Variants in GAB1 observed in about 807,000 individuals in gnomAD.
The protein encoded by GAB1 is GRB2-associated-binding protein 1.
Under a neutral mutation model 66.5 loss-of-function variants are expected in GAB1, and 19 were observed. The ratio of observed to expected loss-of-function variants is 0.29; its 90% CI spans 0.20 to 0.42. GAB1 has a LOEUF of 0.42. GAB1 is among the 10% of genes least tolerant of loss of function. The probability of loss-of-function intolerance (pLI) is 1.00; values close to 1 mark genes in which losing one functional copy is unlikely to be tolerated. For synonymous variants in GAB1, 294 were observed against 301.4 expected (o/e 0.98, Z 0.25); for missense variants, 732 against 858.5 (o/e 0.85, Z 1.84).
chr4:143,425,393 G>A (rs1733284845), intron 2 of GAB1: 1 of 759,256 alleles, frequency 1.3e-6, no homozygotes, highest in African/African-American at 1.7e-5. Context: ...AGCCTTCTGG[G>A]AGCCATGGCT....
intron 1 of GAB1, among the ~76,000 whole-genome samples, chr4:143,384,999 C>T (rs1236923078): frequency 6.6e-6 from 1 of 152,112 alleles, no homozygotes; most frequent in Non-Finnish European, 1.5e-5. Context: ...GTCACAGAGC[C>T]ATTGACTCGT....
chr4:143,430,506 T>TA (rs1198921894), intron 2 of GAB1, among the ~76,000 whole-genome samples: 5 of 152,214 alleles, frequency 3.3e-5, no homozygotes, highest in Non-Finnish European at 7.3e-5. Flanking sequence ...GAGCCCTCTG[T>TA]AGCATCCAGA....
chr4:143,449,381 A>T (rs1428736827), intron 6 of GAB1, among the ~76,000 whole-genome samples: 1 of 151,782 alleles, frequency 6.6e-6, no homozygotes, highest in Non-Finnish European at 1.5e-5. Flanking sequence ...TCTAATGTTG[A>T]CAGTGGAGTG....
At chr4:143,426,028 C>A in intron 2 of GAB1, 1 of 607,320 alleles carries the variant, frequency 1.6e-6, no homozygotes, top group South Asian at 2.1e-5. Context: ...AAATTAACTC[C>A]AGGTATAAGG....
intron 1 of GAB1, among the ~76,000 whole-genome samples, chr4:143,408,700 C>T (rs1732197791): frequency 6.6e-6 from 1 of 152,146 alleles, no homozygotes; most frequent in African/African-American, 2.4e-5. Context: ...TCAAAAATAG[C>T]ATTTTCATTT....
intron 2 of GAB1, among the ~76,000 whole-genome samples, chr4:143,431,714 T>A (rs1414743613): frequency 6.6e-6 from 1 of 152,112 alleles, no homozygotes; most frequent in Non-Finnish European, 1.5e-5. Flanking sequence ...TGGCGGAGGC[T>A]AAACAAAGCA....
At chr4:143,365,991 T>C (rs920957492) in intron 1 of GAB1, among the ~76,000 whole-genome samples, 2 of 152,222 alleles carry the variant, frequency 1.3e-5, no homozygotes, top group Non-Finnish European at 2.9e-5. Context: ...ATGAATTTCA[T>C]TCATCCAACA....
At chr4:143,451,154 C>T (rs1191382577) in intron 6 of GAB1, among the ~76,000 whole-genome samples, 1 of 152,146 alleles carries the variant, frequency 6.6e-6, no homozygotes, top group Non-Finnish European at 1.5e-5. Flanking sequence ...TTGAAGTAAA[C>T]TCTTGGCACT....
At chr4:143,377,827 A>G (rs1730480552) in intron 1 of GAB1, among the ~76,000 whole-genome samples, 1 of 152,236 alleles carries the variant, frequency 6.6e-6, no homozygotes, top group Non-Finnish European at 1.5e-5. Flanking sequence ...ATGTCTGTAT[A>G]TGTTTAAATG....
chr4:143,375,097 G>A (rs1344147773), intron 1 of GAB1, among the ~76,000 whole-genome samples: 3 of 152,152 alleles, frequency 2.0e-5, no homozygotes, highest in South Asian at 2.1e-4. Context: ...ATAGGTGCCC[G>A]CCACAACGCC....
rs1736158697 is a variant in GAB1 at position 143,473,247 on chromosome 4, G to A, written c.*4058G>A. 1 of 152,120 alleles carries A rather than the reference G, an allele frequency of 6.6e-6. No individual in the cohort carries two copies. The highest frequency in any genetic ancestry group is 6.5e-5 in the Admixed American group (1 of 15,268). The allele number at this position is 152,120 out of a possible 1,614,324, so 9.4% of individuals were successfully genotyped here. A position where few individuals can be genotyped will look rare whatever the true frequency, so the allele number is the denominator to read the frequency against. ...TCTCCCCTCTTGTTCATCATCTTTTGTAAAGGTCCCATTGTAGATCTTTTC... is the reference window on the plus strand; with the variant it reads ...TCTCCCCTCTTGTTCATCATCTTTTATAAAGGTCCCATTGTAGATCTTTTC... On this transcript the variant is annotated 3_prime_UTR_variant, in exon 10 of 10. Coordinates refer to ENST00000262994, the MANE Select transcript of GAB1 (RefSeq NM_002039.4).
chr4:143,445,940 A>G (rs548001648), intron 6 of GAB1, among the ~76,000 whole-genome samples: 1 of 151,390 alleles, frequency 6.6e-6, no homozygotes, highest in East Asian at 1.9e-4. Context: ...CTATCCTTCT[A>G]CCTTCCCCCC....
In GAB1 at chr4:143,346,441, C is replaced by T. The variant is rs144622593; in HGVS notation, c.72+9181C>T. Among the ~76,000 whole-genome samples, 989 of 152,300 alleles carry T rather than the reference C, an allele frequency of 6.5e-3. 5 individuals are homozygous for T. Among genetic ancestry groups the T allele is most frequent in the Non-Finnish European group, 0.011 (748 of 68,020 alleles). ...CCCAGTTCCAGTCCTTAGCACATTC[C>T]CATCACTGCTGTGGCCAGAGTTGGA... On this transcript the variant is annotated intron_variant, in intron 1 of 9. Coordinates refer to ENST00000262994, the MANE Select transcript of GAB1 (RefSeq NM_002039.4).
chr4:143,449,125 A>T (rs564451898), intron 6 of GAB1, among the ~76,000 whole-genome samples: 37,050 of 118,280 alleles, frequency 0.31, 6,296 homozygotes, highest in African/African-American at 0.54. Context: ...AATCCTGAGT[A>T]GTAGTTTGAT....
At chr4:143,337,394 C>A in intron 1 of GAB1, 134 bp downstream of exon 1, 1 of 758,664 alleles carries the variant, frequency 1.3e-6, no homozygotes, top group Non-Finnish European at 2.2e-6. Flanking sequence ...CCCTTGGCCC[C>A]TACCCCTGGC....
At chr4:143,398,116 C>G (rs1226829443) in intron 1 of GAB1, among the ~76,000 whole-genome samples, 1 of 152,192 alleles carries the variant, frequency 6.6e-6, no homozygotes, top group Non-Finnish European at 1.5e-5. Flanking sequence ...CTGATTCAGA[C>G]TACTCTCTTT....
chr4:143,465,783 A>G (rs1434677596), intron 8 of GAB1, among the ~76,000 whole-genome samples: 3 of 152,348 alleles, frequency 2.0e-5, no homozygotes, highest in Admixed American at 1.3e-4. Flanking sequence ...CAAGGAATAT[A>G]AAGATCCTGT....
intron 6 of GAB1, among the ~76,000 whole-genome samples, chr4:143,450,403 G>A (rs1434990675): frequency 6.6e-6 from 1 of 152,174 alleles, no homozygotes; most frequent in East Asian, 1.9e-4. Context: ...GCTTTGTAAA[G>A]CCTGTAATAA....
intron 1 of GAB1, among the ~76,000 whole-genome samples, chr4:143,410,231 G>A (rs1039956717): frequency 6.6e-6 from 1 of 152,128 alleles, no homozygotes. Flanking sequence ...ATTTTGGCAA[G>A]CATCACACCA....
Sources: gnomAD v4.1 joint callset for allele counts (sites outside exome capture counted in the v4.1 genomes callset) on GRCh38, gnomAD v4.1.1 for gene constraint, MANE v1.5 for transcripts, NCBI Gene and HGNC (gene_info 2026-07-23, HGNC 2026-07-21) for gene names.